Variants in PKIB observed in about 807,000 individuals in gnomAD.
PKIB encodes the protein cAMP-dependent protein kinase inhibitor beta.
In PKIB, 2 loss-of-function variants were observed where a neutral mutation model predicts 4.5. That is an observed-to-expected ratio of 0.44 (90% CI 0.18 to 1.39). PKIB has a LOEUF of 1.39. PKIB is among the 40% of genes most tolerant of loss of function. The pLI is 0.27. For missense variants in PKIB, 94 were observed against 92.6 expected, an observed-to-expected ratio of 1.02 and a Z score of -0.06; for synonymous variants, 38 against 36.0, an observed-to-expected ratio of 1.06 and a Z score of -0.20.
chr6:122,480,727 T>G (rs181960726), intron 2 of PKIB: 1 of 152,316 alleles, frequency 6.6e-6, no homozygotes, highest in East Asian at 1.9e-4. Flanking sequence ...TAGTGGGTTG[T>G]GGTGTTCATC....
At chr6:122,705,794 T>C (rs1190105369) in intron 3 of PKIB, among the ~76,000 whole-genome samples, 3 of 152,044 alleles carry the variant, frequency 2.0e-5, no homozygotes, top group African/African-American at 7.2e-5. Flanking sequence ...CTCGATCTCC[T>C]GACCTTGTAA....
At chr6:122,666,140 G>A (rs566072940) in intron 2 of PKIB, among the ~76,000 whole-genome samples, 1 of 152,248 alleles carries the variant, frequency 6.6e-6, no homozygotes, top group African/African-American at 2.4e-5. Flanking sequence ...TGTCTTTAAT[G>A]TTAGTCTTTT....
chr6:122,507,025 T>A (rs1562233136), intron 2 of PKIB, among the ~76,000 whole-genome samples: 2 of 152,166 alleles, frequency 1.3e-5, no homozygotes, highest in African/African-American at 2.4e-5. Flanking sequence ...TTAATATTTT[T>A]AAATTTTTTC....
intron 2 of PKIB, among the ~76,000 whole-genome samples, chr6:122,646,389 G>T (rs1383975943): frequency 6.6e-6 from 1 of 152,070 alleles, no homozygotes; most frequent in Admixed American, 6.6e-5. Flanking sequence ...TGACTCTTTT[G>T]CTTGAGTCTT....
chr6:122,587,774 C>A (rs1773895392), intron 3 of PKIB, among the ~76,000 whole-genome samples: 1 of 152,248 alleles, frequency 6.6e-6, no homozygotes, highest in East Asian at 1.9e-4. Flanking sequence ...TCTCTGATGG[C>A]CAGTGATGAT....
chr6:122,538,376 C>T (rs990708435), intron 2 of PKIB, among the ~76,000 whole-genome samples: 78 of 152,174 alleles, frequency 5.1e-4, no homozygotes, highest in Admixed American at 4.9e-3. Flanking sequence ...GGAAGGGATC[C>T]AGTTTCAGCT....
intron 1 of PKIB, among the ~76,000 whole-genome samples, chr6:122,473,508 CTTTTA>C (rs1419492305): frequency 1.3e-5 from 2 of 152,248 alleles, no homozygotes; most frequent in East Asian, 3.9e-4. Flanking sequence ...AAAAAATTTA[CTTTTA>C]TTTAACCTGT....
At chr6:122,617,706 T>A (rs1158998188) in intron 1 of PKIB, among the ~76,000 whole-genome samples, 1 of 152,190 alleles carries the variant, frequency 6.6e-6, no homozygotes, top group Non-Finnish European at 1.5e-5. Context: ...TTAATATGAC[T>A]CATCTGAAAT....
Position 122,666,542 on chromosome 6 carries a change from C to T in PKIB, c.-75-8536C>T, listed in dbSNP as rs572498948. Among the ~76,000 whole-genome samples, 24 of 152,260 alleles carry T rather than the reference C, an allele frequency of 1.6e-4. No homozygotes were observed. In the South Asian group the frequency reaches 4.4e-3, roughly 28 times the overall value. On this transcript the variant is annotated intron_variant, in intron 2 of 4. Coordinates refer to ENST00000368452, the MANE Select transcript of PKIB (RefSeq NM_181795.3). The stretch of plus-strand genomic sequence containing the variant: ...CTATCAAGTCACTTTCTGGTGGATA[C>T]GCAATATGACAACACATCTCTTAGT...
At chr6:122,703,673 T>C (rs1055978874) in intron 3 of PKIB, among the ~76,000 whole-genome samples, 24 of 151,876 alleles carry the variant, frequency 1.6e-4, no homozygotes, top group Admixed American at 1.4e-3. Context: ...TATACACTTA[T>C]GATGCAATTC....
Position 122,725,178 on chromosome 6 carries a change from C to A in PKIB, c.220C>A (p.Gln74Lys). ...KTTQDQLEKPQNEEK is the reference protein window; with the variant it reads ...KTTQDQLEKPKNEEK ...AACACAAGACCAATTGGAAAAGCCT[C>A]AAAATGAAGAAAAATGAAGGCTCAT... Residue 74 changes from glutamine (Q) to lysine (K), a missense_variant, in exon 5 of 5, where the codon CAA (glutamine) becomes AAA (lysine). Gln to Lys is a moderately conservative substitution (Grantham distance 53, BLOSUM62 1). Coordinates refer to ENST00000368452, the MANE Select transcript of PKIB (RefSeq NM_181795.3). The A allele has an allele frequency of 6.2e-7, 1 of 1,610,956 alleles. No individual in the cohort carries two copies. Among genetic ancestry groups the A allele is most frequent in the South Asian group, 1.1e-5 (1 of 90,682 alleles).
intron 2 of PKIB, among the ~76,000 whole-genome samples, chr6:122,647,265 T>C (rs1247836613): frequency 6.6e-6 from 1 of 152,208 alleles, no homozygotes; most frequent in East Asian, 1.9e-4. Flanking sequence ...ACCACTAAGA[T>C]ATTGAGGATA....
intron 3 of PKIB, among the ~76,000 whole-genome samples, chr6:122,678,734 A>G (rs1777783135): frequency 6.6e-6 from 1 of 152,220 alleles, no homozygotes; most frequent in African/African-American, 2.4e-5. Context: ...AATGTTTGCA[A>G]GTGCCACAGG....
chr6:122,533,013 G>T (rs1193019051), intron 2 of PKIB, among the ~76,000 whole-genome samples: 1 of 151,960 alleles, frequency 6.6e-6, no homozygotes, highest in African/African-American at 2.4e-5. Context: ...CAAGTCCTTT[G>T]CCCAGTTTTT....
chr6:122,566,538 A>T (rs180967706), intron 2 of PKIB, among the ~76,000 whole-genome samples: 9 of 152,150 alleles, frequency 5.9e-5, no homozygotes, highest in African/African-American at 2.2e-4. Flanking sequence ...TTTTATACTA[A>T]AAATATTATA....
At chr6:122,531,260 C>T (rs1397643030) in intron 2 of PKIB, 1 of 152,058 alleles carries the variant, frequency 6.6e-6, no homozygotes, top group African/African-American at 2.4e-5. Flanking sequence ...CCGTCATGTC[C>T]ACATGTGCAG....
At chr6:122,717,027 A>C (rs568214761) in intron 3 of PKIB, among the ~76,000 whole-genome samples, 1 of 152,274 alleles carries the variant, frequency 6.6e-6, no homozygotes, top group South Asian at 2.1e-4. Flanking sequence ...ATTCATTCCA[A>C]AACATAATAA....
chr6:122,493,287 C>T (rs887666622), intron 2 of PKIB: 2 of 152,200 alleles, frequency 1.3e-5, no homozygotes, highest in African/African-American at 4.8e-5. Flanking sequence ...AGAGCTCCTT[C>T]GTCCCTTTCA....
chr6:122,638,880 A>G (rs1391073221), intron 2 of PKIB, among the ~76,000 whole-genome samples: 1 of 152,220 alleles, frequency 6.6e-6, no homozygotes, highest in East Asian at 1.9e-4. Context: ...AGATGTGCCT[A>G]AAAGTGCCTG....
Sources: gnomAD v4.1 joint callset for allele counts (sites outside exome capture counted in the v4.1 genomes callset) on GRCh38, gnomAD v4.1.1 for gene constraint, MANE v1.5 for transcripts, NCBI Gene and HGNC (gene_info 2026-07-23, HGNC 2026-07-21) for gene names.